BICRA: variants seen among roughly 807,000 people sequenced by gnomAD.
The protein encoded by BICRA is BRD4 interacting chromatin remodeling complex associated protein.
In BICRA, 31 loss-of-function variants were observed where a neutral mutation model predicts 96.9. The ratio of observed to expected loss-of-function variants is 0.32; its 90% CI spans 0.24 to 0.43. The LOEUF (loss-of-function observed/expected upper bound fraction) is 0.43. BICRA is among the 20% of genes least tolerant of loss of function. The pLI, the probability that BICRA is intolerant of heterozygous loss-of-function variation, is 1.00. For missense variants in BICRA, 2,283 were observed against 2,190.3 expected, an observed-to-expected ratio of 1.04 and a Z score of -0.84; for synonymous variants, 1,350 against 1,071.8, an observed-to-expected ratio of 1.26 and a Z score of -5.07.
intron 10 of BICRA, among the ~76,000 whole-genome samples, chr19:47,696,027 G>A (rs1047405518): frequency 1.3e-5 from 2 of 152,072 alleles, no homozygotes; most frequent in Admixed American, 1.3e-4. Context: ...AAGGCCAGAC[G>A]CTGAGGACAA....
upstream of BICRA, among the ~76,000 whole-genome samples, chr19:47,608,779 C>T (rs1242322504): frequency 6.6e-6 from 1 of 151,342 alleles, no homozygotes; most frequent in Non-Finnish European, 1.5e-5. Context: ...CGGGGCTGGT[C>T]CGCCCGGACG....
At chr19:47,690,149 A>G (rs1349919080) in intron 7 of BICRA, among the ~76,000 whole-genome samples, 1 of 151,858 alleles carries the variant, frequency 6.6e-6, no homozygotes. Flanking sequence ...TTACAGGTGC[A>G]CGCCACCATG....
intron 1 of BICRA, among the ~76,000 whole-genome samples, chr19:47,619,201 C>CATAT (rs10528949): frequency 0.13 from 17,726 of 141,134 alleles, 1,160 homozygotes; most frequent in East Asian, 0.21. Flanking sequence ...TGTATATATA[C>CATAT]ATATATATAT....
Position 47,680,933 on chromosome 19 carries a change from T to G in BICRA, c.1763T>G (p.Leu588Arg). 1.4e-6 allele frequency: 2 copies of G among 1,474,500 alleles called. No homozygotes were observed. The highest frequency in any genetic ancestry group is 1.8e-6 in the Non-Finnish European group (2 of 1,124,912). The allele number at this position is 1,474,500 out of a possible 1,614,324, so 91.3% of individuals were successfully genotyped here. ...ACCACTGTCCTCCAGGGGGTCACCC[T>G]GCCCCCCAGCGCCGTGGCCATGCTC... ...AATTVLQGVT[L>R]PPSAVAMLNT... is the part of the protein sequence containing the mutation. The change falls in exon 6 of 15, where the codon CTG becomes CGG. Residue 588 changes from leucine (L) to arginine (R), a missense_variant. Leu to Arg is a moderately radical substitution (Grantham distance 102). Coordinates refer to ENST00000594866, the MANE Select transcript of BICRA (RefSeq NM_001394372.1).
At chr19:47,686,218 A>G (rs1253658248) in intron 7 of BICRA, among the ~76,000 whole-genome samples, 1 of 152,166 alleles carries the variant, frequency 6.6e-6, no homozygotes, top group African/African-American at 2.4e-5. Context: ...GGCATGAGCC[A>G]CCATGCCCGG....
chr19:47,639,390 G>A (rs924498408), intron 1 of BICRA, among the ~76,000 whole-genome samples: 1 of 141,636 alleles, frequency 7.1e-6, no homozygotes, highest in Non-Finnish European at 1.5e-5. Context: ...CCAGTGGTGC[G>A]ATCTTGGCTT....
chr19:47,695,357 A>T lies in BICRA; in HGVS notation c.3077-8A>T. On this transcript the variant is annotated splice_polypyrimidine_tract_variant and splice_region_variant and intron_variant, in intron 9 of 14. Coordinates refer to ENST00000594866, the MANE Select transcript of BICRA (RefSeq NM_001394372.1). ...AGGCCCTGTCTCCCCCACCCCACCC[A>T]CCCCCAGGCCTCCCTCCTCTGCTTC... 1 of 385,122 alleles carries T rather than the reference A, an allele frequency of 2.6e-6. No homozygotes were observed. The highest frequency in any genetic ancestry group is 4.7e-6 in the Non-Finnish European group (1 of 211,978). The allele number at this position is 385,122 out of a possible 1,614,324, so 23.9% of individuals were successfully genotyped here. A position where few individuals can be genotyped will look rare whatever the true frequency, so the allele number is the denominator to read the frequency against.
chr19:47,644,790 C>G (rs974399529), intron 1 of BICRA, among the ~76,000 whole-genome samples: 1 of 152,092 alleles, frequency 6.6e-6, no homozygotes, highest in African/African-American at 2.4e-5. Flanking sequence ...CGTGAGCCAC[C>G]GCGCCCGGAT....
chr19:47,694,478 TCCA>T lies in BICRA; in HGVS notation c.2650_2652del (p.Thr884del). The T allele has an allele frequency of 2.0e-6, 1 of 494,294 alleles. No individual in the cohort carries two copies. The highest frequency in any genetic ancestry group is 3.0e-6 in the Non-Finnish European group (1 of 328,468). The allele number at this position is 494,294 out of a possible 1,614,324, so 30.6% of individuals were successfully genotyped here. A position where few individuals can be genotyped will look rare whatever the true frequency, so the allele number is the denominator to read the frequency against. On this transcript the variant is annotated inframe_deletion, in exon 8 of 15. Coordinates refer to ENST00000594866, the MANE Select transcript of BICRA (RefSeq NM_001394372.1). ...CCCAGCCCCCCACCTCCCTCCATCC[TCCA>T]CCTCCTCTGCTGTGGCCTCCTCCTC...
intron 1 of BICRA, among the ~76,000 whole-genome samples, chr19:47,635,192 G>T (rs1168398159): frequency 6.6e-6 from 1 of 151,704 alleles, no homozygotes; most frequent in Non-Finnish European, 1.5e-5. Context: ...TATACAGTTT[G>T]GTGGCACTAA....
chr19:47,634,631 C>G (rs533536442), intron 1 of BICRA, among the ~76,000 whole-genome samples: 2 of 152,188 alleles, frequency 1.3e-5, no homozygotes, highest in South Asian at 4.2e-4. Context: ...CCAAAACAAA[C>G]AAAGCCTGCT....
At position 47,701,114 on chromosome 19, in the gene BICRA, C is replaced by T; in HGVS notation, c.3596-214C>T. 1.7e-6 allele frequency: 1 copy of T among 579,822 alleles called. No homozygotes were observed. Among genetic ancestry groups the T allele is most frequent in the Non-Finnish European group, 3.0e-6 (1 of 329,754 alleles). The allele number at this position is 579,822 out of a possible 1,614,324, so 35.9% of individuals were successfully genotyped here. A position where few individuals can be genotyped will look rare whatever the true frequency, so the allele number is the denominator to read the frequency against. ...TTATGTCTGAATGAGCCCCACGTGG[C>T]TCGTGGCGCTGTGCCAGGCACAGTG... On this transcript the variant is annotated intron_variant, in intron 14 of 14. Coordinates refer to ENST00000594866, the MANE Select transcript of BICRA (RefSeq NM_001394372.1). This position sits in a 1 kb window ranked among gnomAD's most constrained non-coding sequence, Gnocchi z 5.4.
Position 47,694,228 on chromosome 19 carries a change from C to A in BICRA, c.2397C>A (p.Pro799=). ...TGCCCTCCCCACACCCCACCCGGCC[C>A]CCTTCCCGCCCACCCTCCCGGCCAC... The part of the protein sequence containing the change: ...PHLPSPHPTR[P]PSRPPSRPQS... The change falls in exon 8 of 15, where the codon CCC becomes CCA. Residue 799 remains proline, a synonymous_variant. Coordinates refer to ENST00000594866, the MANE Select transcript of BICRA (RefSeq NM_001394372.1). The A allele has an allele frequency of 9.2e-7, 1 of 1,088,026 alleles. No homozygotes were observed. The highest frequency in any genetic ancestry group is 1.3e-6 in the Non-Finnish European group (1 of 780,632). 67.4% of individuals were successfully genotyped at this position (1,088,026 alleles called of 1,614,324 possible).
rs1972929689 is a variant in BICRA at position 47,675,697 on chromosome 19, C to A, written c.85-154C>A. Among the ~76,000 whole-genome samples the A allele has an allele frequency of 6.6e-6, 1 of 152,198 alleles. No individual in the cohort carries two copies. Among genetic ancestry groups the A allele is most frequent in the Admixed American group, 6.5e-5 (1 of 15,278 alleles). ...GGCACCCAAGCCCCTGCCTTTGGGGCCTCTTTTCGGAGGCGAGAGTTTCCC... is the reference window on the plus strand; with the variant it reads ...GGCACCCAAGCCCCTGCCTTTGGGGACTCTTTTCGGAGGCGAGAGTTTCCC... On this transcript the variant is annotated intron_variant, in intron 4 of 14. Coordinates refer to ENST00000594866, the MANE Select transcript of BICRA (RefSeq NM_001394372.1). The surrounding 1 kb of genome is among the most constrained non-coding windows in gnomAD (Gnocchi z 4.7).
intron 1 of BICRA, among the ~76,000 whole-genome samples, chr19:47,612,714 C>G (rs1286843634): frequency 6.6e-6 from 1 of 151,388 alleles, no homozygotes; most frequent in African/African-American, 2.4e-5. Flanking sequence ...TGCCATTTTA[C>G]AGATGGGGAA....
Position 47,699,283 on chromosome 19 carries a change from C to T in BICRA, c.3493-20C>T. The stretch of plus-strand genomic sequence containing the variant: ...CCTTCTTGCTGGTTCACTCGCACGT[C>T]GTCTTTTCCCCCACCCCAGAGGGTG... On this transcript the variant is annotated intron_variant, in intron 13 of 14. Coordinates refer to ENST00000594866, the MANE Select transcript of BICRA (RefSeq NM_001394372.1). The surrounding 1 kb of genome is among the most constrained non-coding windows in gnomAD (Gnocchi z 5.0). 3 of 1,420,374 alleles carry T rather than the reference C, an allele frequency of 2.1e-6. No homozygotes were observed. Among genetic ancestry groups the T allele is most frequent in the Non-Finnish European group, 2.9e-6 (3 of 1,026,278 alleles). 88.0% of individuals were successfully genotyped at this position (1,420,374 alleles called of 1,614,324 possible).
Position 47,702,021 on chromosome 19 carries a change from G to T in BICRA, c.4289G>T (p.Arg1430Leu). The T allele has an allele frequency of 6.7e-7, 1 of 1,489,264 alleles. No individual in the cohort carries two copies. The highest frequency in any genetic ancestry group is 2.0e-4 in the Middle Eastern group (1 of 4,892). 92.3% of individuals were successfully genotyped at this position (1,489,264 alleles called of 1,614,324 possible). The change falls in exon 15 of 15, where the codon CGC becomes CTC. Residue 1430 changes from arginine (R) to leucine (L), a missense_variant. Transcript: ENST00000594866. Reference protein sequence around the residue: ...KVDEATSGLIRELAAVEDELY... With the variant: ...KVDEATSGLILELAAVEDELY... Reference sequence around the variant, plus strand: ...GACGAGGCCACCAGCGGGCTCATCCGCGAGCTGGCGGCCGTGGAGGACGAG... The same window carrying T: ...GACGAGGCCACCAGCGGGCTCATCCTCGAGCTGGCGGCCGTGGAGGACGAG...
At chr19:47,650,505 C>T (rs1169792507) in intron 1 of BICRA, among the ~76,000 whole-genome samples, 1 of 152,172 alleles carries the variant, frequency 6.6e-6, no homozygotes, top group Non-Finnish European at 1.5e-5. Flanking sequence ...GATTCTCCCA[C>T]CTTGGCTTCC....
At chr19:47,685,781 G>GTGTGTGTGTGTGTGTT (rs2123595632) in intron 7 of BICRA, among the ~76,000 whole-genome samples, 1 of 132,908 alleles carries the variant, frequency 7.5e-6, no homozygotes, top group African/African-American at 3.3e-5. Flanking sequence ...GTGTGTGTGT[G>GTGTGTGTGTGTGTGTT]TGTGTGCGCG....
Sources: gnomAD v4.1 joint callset for allele counts (sites outside exome capture counted in the v4.1 genomes callset) on GRCh38, gnomAD v4.1.1 for gene constraint, Gnocchi (gnomAD v3.1) non-coding constraint, MANE v1.5 for transcripts, NCBI Gene and HGNC (gene_info 2026-07-23, HGNC 2026-07-21) for gene names.